The following SEC23A variants were observed in gnomAD, a reference collection of about 807,000 sequenced individuals.
The protein encoded by SEC23A is protein transport protein Sec23A.
Under a neutral mutation model 103.7 loss-of-function variants are expected in SEC23A, and 56 were observed. That is an observed-to-expected ratio of 0.54 (90% confidence interval 0.44 to 0.67). The LOEUF is 0.67. Among genes scored for constraint, SEC23A ranks in the 30% least tolerant of loss-of-function variants. SEC23A has a pLI of 0.00. For synonymous variants in SEC23A, 281 were observed against 293.0 expected, an observed-to-expected ratio of 0.96 and a Z score of 0.42; for missense variants, 784 against 936.4, an observed-to-expected ratio of 0.84 and a Z score of 2.12.
chr14:39,081,878 C>G lies in SEC23A; in HGVS notation c.828+3884G>C, dbSNP rs192037826. On this transcript the variant is annotated intron_variant, in intron 7 of 19. Coordinates refer to ENST00000307712, the MANE Select transcript of SEC23A (RefSeq NM_006364.4). Reference sequence around the variant, plus strand: ...ATACATATATATGCACATACATCTTCTTCTTAGCTCCATCCGCTGGGACCT... The same window carrying G: ...ATACATATATATGCACATACATCTTGTTCTTAGCTCCATCCGCTGGGACCT... 3.3e-5 allele frequency among the ~76,000 whole-genome samples: 5 copies of G among 152,250 alleles called. No individual in the cohort carries two copies. In the East Asian group the frequency reaches 9.7e-4, roughly 29 times the overall value.
intron 14 of SEC23A, among the ~76,000 whole-genome samples, chr14:39,051,098 TC>T (rs2139204658): frequency 6.6e-6 from 1 of 152,374 alleles, no homozygotes; most frequent in South Asian, 2.1e-4. Context: ...GTAAGTTTTT[TC>T]CTAATCAAAA....
chr14:39,086,269 T>G (rs1183485627), intron 6 of SEC23A, among the ~76,000 whole-genome samples: 2 of 152,178 alleles, frequency 1.3e-5, no homozygotes, highest in African/African-American at 4.8e-5. Flanking sequence ...GTCTAGTAAG[T>G]TTTAGGTTAC....
chr14:39,091,216 C>A, intron 5 of SEC23A: 1 of 494,714 alleles, frequency 2.0e-6, no homozygotes, highest in East Asian at 3.9e-5. Flanking sequence ...TTCATAAGCC[C>A]TTCAAATCTC....
At chr14:39,036,765 C>T (rs1053641266) in intron 19 of SEC23A, among the ~76,000 whole-genome samples, 1 of 152,178 alleles carries the variant, frequency 6.6e-6, no homozygotes, top group African/African-American at 2.4e-5. Flanking sequence ...TAATAACAAT[C>T]ATCTGCCTAT....
intron 9 of SEC23A, among the ~76,000 whole-genome samples, chr14:39,072,187 G>A (rs950935464): frequency 4.7e-5 from 7 of 150,140 alleles, no homozygotes; most frequent in Admixed American, 6.6e-5. Flanking sequence ...AGCCTAGATC[G>A]CACCACTGCA....
At position 39,063,319 on chromosome 14, in the gene SEC23A, C is replaced by T; in HGVS notation, c.1398+5G>A. 2 of 1,560,158 alleles carry T rather than the reference C, an allele frequency of 1.3e-6. No homozygotes were observed. Among genetic ancestry groups the T allele is most frequent in the Non-Finnish European group, 1.8e-6 (2 of 1,131,098 alleles). ...GTTTTGATATTCAGATGTAGAAAGT[C>T]ATACCTGATTGACAACCTCAAAATA... On this transcript the variant is annotated splice_donor_5th_base_variant and intron_variant, in intron 12 of 19. Transcript: ENST00000307712.
chr14:39,090,947 G>T (rs147580270), intron 5 of SEC23A: 4 of 323,850 alleles, frequency 1.2e-5, no homozygotes, highest in East Asian at 2.0e-4. Flanking sequence ...TGCAATGTAG[G>T]GGCTGGTGGA....
intron 7 of SEC23A, among the ~76,000 whole-genome samples, chr14:39,080,229 A>G (rs1376123202): frequency 6.6e-6 from 1 of 152,242 alleles, no homozygotes; most frequent in African/African-American, 2.4e-5. Flanking sequence ...AGAAGTACAC[A>G]GAAGAGAGAA....
At chr14:39,059,309 A>AAAAAC in intron 13 of SEC23A, among the ~76,000 whole-genome samples, 1 of 87,590 alleles carries the variant, frequency 1.1e-5, no homozygotes, top group Non-Finnish European at 2.6e-5. Flanking sequence ...AAAAAAAAAA[A>AAAAAC]ACAACAAGGT....
chr14:39,086,855 T>C lies in SEC23A; in HGVS notation c.683+74A>G, dbSNP rs1431757809. ...TATTTAACAATATAGTATCACTGAA[T>C]GCCTATGTTCAAGGGTATGGAATGT... On this transcript the variant is annotated intron_variant, in intron 6 of 19. Coordinates refer to ENST00000307712, the MANE Select transcript of SEC23A (RefSeq NM_006364.4). 10 of 839,282 alleles carry C rather than the reference T, an allele frequency of 1.2e-5. No individual in the cohort carries two copies. In the East Asian group the frequency reaches 1.7e-4, roughly 14 times the overall value. 52.0% of individuals were successfully genotyped at this position (839,282 alleles called of 1,614,324 possible).
chr14:39,072,478 G>A (rs1356558476), intron 9 of SEC23A, among the ~76,000 whole-genome samples: 1 of 151,946 alleles, frequency 6.6e-6, no homozygotes, highest in Non-Finnish European at 1.5e-5. Context: ...AAACCACAAT[G>A]AGATATTACT....
At chr14:39,090,933 C>T (rs1405625396) in intron 5 of SEC23A, 1 of 317,822 alleles carries the variant, frequency 3.1e-6, no homozygotes, top group African/African-American at 2.3e-5. Flanking sequence ...TCAGGAGCTT[C>T]ATCTGCAATG....
rs539244614 is a variant in SEC23A, at chr14:39,044,352, T to C, written c.1899+811A>G. 4.1e-4 allele frequency among the ~76,000 whole-genome samples: 62 copies of C among 152,194 alleles called. 2 individuals carry two copies. The highest frequency in any genetic ancestry group is 1.3e-3 in the African/African-American group (56 of 41,536). ...CAAAGAATACAAGGCAAAATACATA[T>C]AGCCAAACCAACATATTAAAAATAT... On this transcript the variant is annotated intron_variant, in intron 16 of 19. Coordinates refer to ENST00000307712, the MANE Select transcript of SEC23A (RefSeq NM_006364.4).
At position 39,094,369 on chromosome 14, in the gene SEC23A, TATATACACAC is replaced by T. The variant is rs1471264372; in HGVS notation, c.222-1135_222-1126del. Among the ~76,000 whole-genome samples the T allele has an allele frequency of 1.6e-3, 29 of 17,716 alleles. 2 individuals carry two copies. The highest frequency in any genetic ancestry group is 5.6e-3 in the African/African-American group (28 of 5,026). 11.6% of individuals were successfully genotyped at this position (17,716 alleles called of 152,430 possible). On this transcript the variant is annotated intron_variant, in intron 2 of 19. Transcript: ENST00000307712. ...ATGCATATATACACATATACATATA[TATATACACAC>T]ACACACACACACACACACATATATA...
chr14:39,096,459 G>A (rs1481500785), intron 1 of SEC23A, among the ~76,000 whole-genome samples: 1 of 151,906 alleles, frequency 6.6e-6, no homozygotes, highest in Non-Finnish European at 1.5e-5. Context: ...GAACCCTGGA[G>A]GCAAAGTTTG....
At chr14:39,098,249 G>A (rs1352811567) in intron 1 of SEC23A, among the ~76,000 whole-genome samples, 1 of 152,024 alleles carries the variant, frequency 6.6e-6, no homozygotes, top group African/African-American at 2.4e-5. Flanking sequence ...TAACATAGGT[G>A]GCAATAAAGA....
chr14:39,092,468 AATC>A, intron 4 of SEC23A, 70 bp downstream of exon 4: 1 of 910,162 alleles, frequency 1.1e-6, no homozygotes. Context: ...ATTCCTTCTA[AATC>A]ATCATAATTT....
In SEC23A at chr14:39,091,846, T is replaced by C. The variant is rs146674949; in HGVS notation, c.367-133A>G. On this transcript the variant is annotated intron_variant, in intron 4 of 19. Coordinates refer to ENST00000307712, the MANE Select transcript of SEC23A (RefSeq NM_006364.4). Reference sequence around the variant, plus strand: ...GCCATTTCAGAAATGAAACAGGTTATTTCTACTGTCATGGAGAGAGATCTA... The same window carrying C: ...GCCATTTCAGAAATGAAACAGGTTACTTCTACTGTCATGGAGAGAGATCTA... 5 of 698,234 alleles carry C rather than the reference T, an allele frequency of 7.2e-6. No homozygotes were observed. In the African/African-American group the frequency reaches 8.9e-5, roughly 12 times the overall value. The allele number at this position is 698,234 out of a possible 1,614,324, so 43.3% of individuals were successfully genotyped here.
At chr14:39,053,697 A>C (rs1225607901) in intron 14 of SEC23A, among the ~76,000 whole-genome samples, 1 of 152,224 alleles carries the variant, frequency 6.6e-6, no homozygotes, top group Non-Finnish European at 1.5e-5. Context: ...GAAAGCCTAC[A>C]CCAACCACAC....
Sources: gnomAD v4.1 joint callset for allele counts (sites outside exome capture counted in the v4.1 genomes callset) on GRCh38, gnomAD v4.1.1 for gene constraint, MANE v1.5 for transcripts, NCBI Gene and HGNC (gene_info 2026-07-23, HGNC 2026-07-21) for gene names.